HS3ST3A1: variants seen among roughly 807,000 people sequenced by gnomAD.
HS3ST3A1 encodes the protein heparan sulfate glucosamine 3-O-sulfotransferase 3A1.
Under a neutral mutation model 25.7 loss-of-function variants are expected in HS3ST3A1, and 19 were observed. The observed-to-expected ratio is 0.74, with a 90% confidence interval of 0.52 to 1.08. The LOEUF (loss-of-function observed/expected upper bound fraction) is 1.08. Ranked by LOEUF, HS3ST3A1 falls within the 50% of genes least tolerant of loss-of-function variation. The pLI is 0.00. For synonymous variants in HS3ST3A1, 226 were observed against 278.6 expected (o/e 0.81, Z 1.88); for missense variants, 459 against 594.3 (o/e 0.77, Z 2.37).
chr17:13,566,781 G>A (rs1359470039), intron 1 of HS3ST3A1, among the ~76,000 whole-genome samples: 1 of 151,366 alleles, frequency 6.6e-6, no homozygotes, highest in African/African-American at 2.5e-5. Context: ...TGAAGGCTGA[G>A]AAGGTGAGGA....
chr17:13,553,519 G>C (rs1312084626), intron 1 of HS3ST3A1, among the ~76,000 whole-genome samples: 7 of 151,940 alleles, frequency 4.6e-5, no homozygotes, highest in Non-Finnish European at 1.0e-4. Context: ...GATTTTGTTG[G>C]GGTCCTCAAG....
chr17:13,577,710 TCAC>T (rs1470647650), intron 1 of HS3ST3A1, among the ~76,000 whole-genome samples: 1 of 152,176 alleles, frequency 6.6e-6, no homozygotes, highest in Non-Finnish European at 1.5e-5. Context: ...ATGTACAAGT[TCAC>T]CAATTAATTA....
chr17:13,573,631 T>C (rs772910218), intron 1 of HS3ST3A1, among the ~76,000 whole-genome samples: 3 of 152,166 alleles, frequency 2.0e-5, no homozygotes, highest in Non-Finnish European at 2.9e-5. Flanking sequence ...AGTTCCCACC[T>C]CCAGAACCCT....
In HS3ST3A1 at chr17:13,510,433, C is replaced by A. The variant is rs187202466; in HGVS notation, c.600-13615G>T. Among the ~76,000 whole-genome samples the A allele has an allele frequency of 2.0e-5, 3 of 152,272 alleles. No homozygotes were observed. The East Asian group carries it at 5.8e-4, about 29-fold the overall frequency. On this transcript the variant is annotated intron_variant, in intron 1 of 1. Coordinates refer to ENST00000284110, the MANE Select transcript of HS3ST3A1 (RefSeq NM_006042.3). ...AGAGAGAAACATGATGAGGATAAAT[C>A]AAAATTTTAGAAAGGTTCTTCGTCA...
chr17:13,600,942 G>A lies in HS3ST3A1; in HGVS notation c.188C>T (p.Ala63Val). The change falls in exon 1 of 2, where the codon GCG becomes GTG. Residue 63 changes from alanine to valine, a missense_variant. Around this residue, in one of 3 missense-constraint regions of HS3ST3A1, gnomAD observed 346 missense variants for 303.9 expected, o/e 1.14. Transcript: ENST00000284110. The part of the protein sequence containing the change: ...VVGLSGGGEE[A>V]GAPGGGVLAG... ...CAGGACGCCGCCACCAGGGGCCCCC[G>A]CCTCCTCGCCGCCGCCGGACAGCCC... 6.5e-7 allele frequency: 1 copy of A among 1,534,112 alleles called. No homozygotes were observed. The highest frequency in any genetic ancestry group is 1.2e-5 in the South Asian group (1 of 82,742).
chr17:13,592,173 G>T (rs147891496), intron 1 of HS3ST3A1, among the ~76,000 whole-genome samples: 6 of 152,328 alleles, frequency 3.9e-5, no homozygotes, highest in Non-Finnish European at 7.3e-5. Context: ...CTGGAGGTGG[G>T]TGAATCTGGG....
intron 1 of HS3ST3A1, among the ~76,000 whole-genome samples, chr17:13,567,906 A>G (rs1266237686): frequency 6.6e-6 from 1 of 152,268 alleles, no homozygotes; most frequent in East Asian, 1.9e-4. Flanking sequence ...ACATAAACTT[A>G]GTAGATAAAA....
intron 1 of HS3ST3A1, among the ~76,000 whole-genome samples, chr17:13,521,034 A>G (rs1336768494): frequency 6.6e-6 from 1 of 152,206 alleles, no homozygotes; most frequent in African/African-American, 2.4e-5. Flanking sequence ...GTTTACAAGC[A>G]TTCTGTTGGG....
chr17:13,586,038 G>C (rs1178362694), intron 1 of HS3ST3A1, among the ~76,000 whole-genome samples: 1 of 151,370 alleles, frequency 6.6e-6, no homozygotes, highest in Non-Finnish European at 1.5e-5. Context: ...TAGTAGAGAC[G>C]GGGTTTCACC....
chr17:13,592,815 T>A (rs1169391802), intron 1 of HS3ST3A1, among the ~76,000 whole-genome samples: 1 of 152,148 alleles, frequency 6.6e-6, no homozygotes, highest in Non-Finnish European at 1.5e-5. Context: ...TAAACATAAC[T>A]GTGTATTTAA....
intron 1 of HS3ST3A1, among the ~76,000 whole-genome samples, chr17:13,598,260 G>A (rs1567634132): frequency 6.6e-6 from 1 of 152,030 alleles, no homozygotes; most frequent in Non-Finnish European, 1.5e-5. Context: ...ATTCTGGGTG[G>A]GAGATTTTTT....
intron 1 of HS3ST3A1, among the ~76,000 whole-genome samples, chr17:13,534,768 G>A (rs1906720017): frequency 6.6e-6 from 1 of 151,918 alleles, no homozygotes; most frequent in African/African-American, 2.4e-5. Flanking sequence ...GCTCACACCT[G>A]TAATCCCAGC....
At chr17:13,597,186 T>C (rs1457928406) in intron 1 of HS3ST3A1, among the ~76,000 whole-genome samples, 1 of 152,152 alleles carries the variant, frequency 6.6e-6, no homozygotes, top group Admixed American at 6.5e-5. Flanking sequence ...TGAAATATTA[T>C]TGAATCTAAA....
intron 1 of HS3ST3A1, among the ~76,000 whole-genome samples, chr17:13,500,275 A>T (rs1905425365): frequency 6.6e-6 from 1 of 152,202 alleles, no homozygotes. Flanking sequence ...GTGCAAAAGT[A>T]ATTGTGGCTT....
intron 1 of HS3ST3A1, among the ~76,000 whole-genome samples, chr17:13,545,577 C>T (rs146002468): frequency 6.6e-6 from 1 of 152,236 alleles, no homozygotes; most frequent in East Asian, 1.9e-4. Context: ...CTGAAATAAC[C>T]CCACTATGCT....
At chr17:13,532,318 T>A (rs1368673573) in intron 1 of HS3ST3A1, among the ~76,000 whole-genome samples, 1 of 152,038 alleles carries the variant, frequency 6.6e-6, no homozygotes, top group African/African-American at 2.4e-5. Context: ...CAGCGGGGCA[T>A]AGGTAGAGTG....
rs1906425775 is a variant in HS3ST3A1, at chr17:13,526,474, T to TATATATATATATATA, written c.600-29657_600-29656insTATATATATATATAT. On this transcript the variant is annotated intron_variant, in intron 1 of 1. Coordinates refer to ENST00000284110, the MANE Select transcript of HS3ST3A1 (RefSeq NM_006042.3). Reference sequence around the variant, plus strand: ...TTGAACTTGGATACAACTTTAATTTTTATATATATATATATATATATATAT... The same window carrying TATATATATATATATA: ...TTGAACTTGGATACAACTTTAATTTTATATATATATATATATATATATATATATATATATATATAT... 2.0e-4 allele frequency among the ~76,000 whole-genome samples: 15 copies of TATATATATATATATA among 76,296 alleles called. 1 individual carries two copies. The highest frequency in any genetic ancestry group is 3.1e-4 in the Admixed American group (2 of 6,362). 50.1% of individuals were successfully genotyped at this position (76,296 alleles called of 152,430 possible).
At chr17:13,564,204 T>C (rs902274347) in intron 1 of HS3ST3A1, among the ~76,000 whole-genome samples, 5 of 152,228 alleles carry the variant, frequency 3.3e-5, no homozygotes, top group African/African-American at 1.2e-4. Flanking sequence ...CATGCATTTT[T>C]ACCCCTTGAT....
At chr17:13,567,479 A>ATAGCTTTGTAAGG (rs1329688887) in intron 1 of HS3ST3A1, among the ~76,000 whole-genome samples, 2 of 152,234 alleles carry the variant, frequency 1.3e-5, no homozygotes, top group African/African-American at 4.8e-5. Flanking sequence ...GGCTATAGCT[A>ATAGCTTTGTAAGG]CCATAGATAG....
Sources: allele counts gnomAD v4.1 joint callset (sites outside exome capture counted in the v4.1 genomes callset), GRCh38; gene constraint gnomAD v4.1.1; regional missense constraint gnomAD v4.1.1; transcripts MANE v1.5; gene names NCBI Gene and HGNC (gene_info 2026-07-23, HGNC 2026-07-21).